MOXD1: variants seen among roughly 807,000 people sequenced by gnomAD.
MOXD1 encodes monooxygenase DBH like 1.
MOXD1 carries 62 observed loss-of-function variants against 66.6 expected under a neutral mutation model. That is an observed-to-expected ratio of 0.93 (90% CI 0.76 to 1.15). The LOEUF (loss-of-function observed/expected upper bound fraction) is 1.15, where lower values mean the gene tolerates loss of function less well. Among genes scored for constraint, MOXD1 ranks in the 50% most tolerant of loss-of-function variants. The probability of loss-of-function intolerance (pLI) is 0.00; values close to 1 mark genes in which losing one functional copy is unlikely to be tolerated. For missense variants in MOXD1, 847 were observed against 754.6 expected (o/e 1.12, Z -1.44); for synonymous variants, 303 against 281.9 (o/e 1.07, Z -0.75).
chr6:132,300,681 C>A (rs554833921), intron 10 of MOXD1, among the ~76,000 whole-genome samples: 21 of 152,264 alleles, frequency 1.4e-4, no homozygotes, highest in African/African-American at 5.1e-4. Context: ...GATTGTCCAA[C>A]ATAAAGTGAC....
chr6:132,341,403 C>G (rs1357119420), intron 4 of MOXD1, among the ~76,000 whole-genome samples: 1 of 152,174 alleles, frequency 6.6e-6, no homozygotes, highest in Non-Finnish European at 1.5e-5. Context: ...ATTGCCCAGT[C>G]TAAAGTATTT....
intron 9 of MOXD1, among the ~76,000 whole-genome samples, chr6:132,316,986 A>G (rs893544454): frequency 2.0e-5 from 3 of 152,110 alleles, no homozygotes; most frequent in Admixed American, 2.0e-4. Context: ...TAGACACATC[A>G]CAGTCATACT....
chr6:132,330,280 C>A (rs1329100905), intron 4 of MOXD1, among the ~76,000 whole-genome samples: 2 of 152,182 alleles, frequency 1.3e-5, no homozygotes, highest in East Asian at 1.9e-4. Context: ...CCCCAACACT[C>A]ACATTACCTC....
At chr6:132,320,753 T>G (rs1775061753) in intron 8 of MOXD1, 65 bp from the exon 9 acceptor site, 2 of 1,329,302 alleles carry the variant, frequency 1.5e-6, no homozygotes, top group East Asian at 4.7e-5. Context: ...CAAATACATT[T>G]GTACGTCAAC....
intron 4 of MOXD1, among the ~76,000 whole-genome samples, chr6:132,342,226 T>C (rs993250046): frequency 2.6e-5 from 4 of 152,176 alleles, no homozygotes; most frequent in African/African-American, 9.7e-5. Flanking sequence ...GGTCTCAAAC[T>C]CCTGACCTCA....
chr6:132,304,756 T>G (rs1376234918), intron 10 of MOXD1, among the ~76,000 whole-genome samples: 1 of 152,178 alleles, frequency 6.6e-6, no homozygotes, highest in African/African-American at 2.4e-5. Context: ...AGGCTCAGTA[T>G]CATTAGTCAC....
rs376097139 is a variant in MOXD1 at position 132,328,422 on chromosome 6, C to A, written c.836G>T (p.Gly279Val). The change falls in exon 5 of 12, where the codon GGT (glycine) becomes GTT (valine). Residue 279 changes from glycine to valine, a missense_variant. By Grantham distance (109) the Gly-to-Val change is moderately radical. Transcript: ENST00000367963. The part of the protein sequence containing the change: ...CETVIFAWAI[G>V]GEGFSYPPHV... The stretch of plus-strand genomic sequence containing the variant: ...AGTAATCATTAGCCCCACCTCTCCA[C>A]CAATAGCCCAGGCAAAAATCACAGT... 4.3e-6 allele frequency: 7 copies of A among 1,614,110 alleles called. No homozygotes were observed. The highest frequency in any genetic ancestry group is 5.1e-6 in the Non-Finnish European group (6 of 1,179,994).
At chr6:132,348,878 A>G (rs943113788) in intron 4 of MOXD1, among the ~76,000 whole-genome samples, 2 of 152,188 alleles carry the variant, frequency 1.3e-5, no homozygotes, top group African/African-American at 2.4e-5. Flanking sequence ...GATTTTTACT[A>G]AAGTCCTAAC....
chr6:132,391,786 A>C (rs17793361), intron 1 of MOXD1: 5,152 of 155,674 alleles, frequency 0.033, 112 homozygotes, highest in South Asian at 0.076. Flanking sequence ...AAAGCCTTGA[A>C]CTTCGTTTGT....
intron 1 of MOXD1, among the ~76,000 whole-genome samples, chr6:132,397,700 AAAAG>A (rs979867439): frequency 6.7e-6 from 1 of 148,492 alleles, no homozygotes; most frequent in Non-Finnish European, 1.5e-5. Flanking sequence ...GAAAGAAAGA[AAAAG>A]AAAGAGTAAA....
intron 4 of MOXD1, among the ~76,000 whole-genome samples, chr6:132,359,910 G>A (rs931522094): frequency 4.6e-5 from 7 of 152,200 alleles, no homozygotes; most frequent in African/African-American, 7.2e-5. Context: ...ATTACAAAAT[G>A]GGGACTTTGG....
At chr6:132,385,105 A>C (rs979846739) in intron 1 of MOXD1, among the ~76,000 whole-genome samples, 1 of 152,224 alleles carries the variant, frequency 6.6e-6, no homozygotes, top group Non-Finnish European at 1.5e-5. Context: ...AAGGAGCAGA[A>C]AGAAGGATGG....
At chr6:132,334,973 T>C (rs1180407709) in intron 4 of MOXD1, among the ~76,000 whole-genome samples, 1 of 152,138 alleles carries the variant, frequency 6.6e-6, no homozygotes, top group Non-Finnish European at 1.5e-5. Flanking sequence ...ACAGAGATAA[T>C]ACCAAAAAAT....
At chr6:132,401,016 A>T in intron 1 of MOXD1, 147 bp downstream of exon 1, 1 of 1,064,848 alleles carries the variant, frequency 9.4e-7, no homozygotes, top group Non-Finnish European at 1.3e-6. Context: ...CTGCCCGCGG[A>T]GGCGAGAGTG....
rs1395185074 is a variant in MOXD1, at chr6:132,386,843, T to A, written c.265-12066A>T. ...CTTGTCAGAAATGTATTCCTTATAGTAAGCTAAATTCTTCTACTCTTTCAT... is the reference window on the plus strand; with the variant it reads ...CTTGTCAGAAATGTATTCCTTATAGAAAGCTAAATTCTTCTACTCTTTCAT... On this transcript the variant is annotated intron_variant, in intron 1 of 11. Transcript: ENST00000367963. 2.6e-5 allele frequency among the ~76,000 whole-genome samples: 4 copies of A among 151,390 alleles called. No homozygotes were observed. In the Admixed American group the frequency reaches 2.6e-4, roughly 10 times the overall value.
intron 1 of MOXD1, among the ~76,000 whole-genome samples, chr6:132,394,702 C>T (rs72994866): frequency 0.2 from 30,592 of 151,856 alleles, 3,255 homozygotes; most frequent in Middle Eastern, 0.27. Flanking sequence ...GTTTCAACAA[C>T]AGACTAGATG....
At chr6:132,342,099 T>G (rs1326598973) in intron 4 of MOXD1, among the ~76,000 whole-genome samples, 2 of 152,164 alleles carry the variant, frequency 1.3e-5, no homozygotes, top group East Asian at 3.9e-4. Context: ...ACCTCCCGGA[T>G]TCAAGCAATT....
At chr6:132,355,961 G>T (rs185546775) in intron 4 of MOXD1, among the ~76,000 whole-genome samples, 1 of 152,094 alleles carries the variant, frequency 6.6e-6, no homozygotes, top group African/African-American at 2.4e-5. Context: ...TGCACATCCC[G>T]TTCGGCAAAA....
In MOXD1 at chr6:132,397,630, G is replaced by C. The variant is rs78431984; in HGVS notation, c.264+3533C>G. Among the ~76,000 whole-genome samples, 595 of 127,296 alleles carry C rather than the reference G, an allele frequency of 4.7e-3. 2 individuals are homozygous for C. The highest frequency in any genetic ancestry group is 0.011 in the African/African-American group (321 of 28,552). 83.5% of individuals were successfully genotyped at this position (127,296 alleles called of 152,430 possible). A position where few individuals can be genotyped will look rare whatever the true frequency, so the allele number is the denominator to read the frequency against. ...ACACTCACAGAGAGAGAGAGAGAGAGAGAGACAGAAAGAAAGAAAGAAAGA... is the reference window on the plus strand; with the variant it reads ...ACACTCACAGAGAGAGAGAGAGAGACAGAGACAGAAAGAAAGAAAGAAAGA... On this transcript the variant is annotated intron_variant, in intron 1 of 11. Coordinates refer to ENST00000367963, the MANE Select transcript of MOXD1 (RefSeq NM_015529.4).
Sources: allele counts gnomAD v4.1 joint callset (sites outside exome capture counted in the v4.1 genomes callset), GRCh38; gene constraint gnomAD v4.1.1; transcripts MANE v1.5; gene names NCBI Gene and HGNC (gene_info 2026-07-23, HGNC 2026-07-21).